Variants in ST6GALNAC3 observed in about 807,000 individuals in gnomAD.
ST6GALNAC3 encodes the protein ST6 N-acetylgalactosaminide alpha-2,6-sialyltransferase 3, also known as alpha-N-acetylgalactosaminide alpha-2,6-sialyltransferase 3.
In ST6GALNAC3, 25 loss-of-function variants were observed where a neutral mutation model predicts 32.7. The ratio of observed to expected loss-of-function variants is 0.76; its 90% CI spans 0.56 to 1.07. The LOEUF is 1.07. ST6GALNAC3 is among the 50% of genes least tolerant of loss of function. The pLI is 0.00. For synonymous variants in ST6GALNAC3, 129 were observed against 133.1 expected, an observed-to-expected ratio of 0.97 and a Z score of 0.21; for missense variants, 355 against 382.4, an observed-to-expected ratio of 0.93 and a Z score of 0.60.
chr1:76,286,985 T>C (rs1038729697), intron 1 of ST6GALNAC3, among the ~76,000 whole-genome samples: 1 of 152,204 alleles, frequency 6.6e-6, no homozygotes, highest in African/African-American at 2.4e-5. Flanking sequence ...CACCAAAAGG[T>C]GTATGTTCTT....
At chr1:76,288,975 C>T (rs1557756389) in intron 1 of ST6GALNAC3, among the ~76,000 whole-genome samples, 1 of 152,122 alleles carries the variant, frequency 6.6e-6, no homozygotes, top group African/African-American at 2.4e-5. Flanking sequence ...AACCACACTT[C>T]CCCCTCCAAA....
chr1:76,540,344 T>C (rs1663913732), intron 3 of ST6GALNAC3, among the ~76,000 whole-genome samples: 1 of 151,798 alleles, frequency 6.6e-6, no homozygotes, highest in South Asian at 2.1e-4. Context: ...CAACACACAC[T>C]AGGGCCTGTT....
At chr1:76,512,019 T>G (rs1042532472) in intron 3 of ST6GALNAC3, among the ~76,000 whole-genome samples, 6 of 152,174 alleles carry the variant, frequency 3.9e-5, no homozygotes, top group Non-Finnish European at 7.4e-5. Context: ...TGAGAAATAT[T>G]TATCTCTCCT....
chr1:76,204,707 A>G (rs892433736), intron 1 of ST6GALNAC3, among the ~76,000 whole-genome samples: 1 of 152,200 alleles, frequency 6.6e-6, no homozygotes, highest in African/African-American at 2.4e-5. Flanking sequence ...GGAATATTTG[A>G]TAGAAATATT....
At chr1:76,457,761 G>C (rs1314023652) in intron 3 of ST6GALNAC3, among the ~76,000 whole-genome samples, 1 of 152,002 alleles carries the variant, frequency 6.6e-6, no homozygotes. Context: ...TTAAACGTTA[G>C]ACCTAAAACC....
At chr1:76,614,116 A>G (rs1648119940) in intron 3 of ST6GALNAC3, among the ~76,000 whole-genome samples, 1 of 152,220 alleles carries the variant, frequency 6.6e-6, no homozygotes, top group African/African-American at 2.4e-5. Flanking sequence ...GGACAAATTG[A>G]GTGTCTACTA....
At chr1:76,204,109 C>CT (rs999797116) in intron 1 of ST6GALNAC3, among the ~76,000 whole-genome samples, 13 of 151,468 alleles carry the variant, frequency 8.6e-5, no homozygotes, top group Admixed American at 4.6e-4. Context: ...ATGAGATCCA[C>CT]TTTTTTTTTA....
intron 1 of ST6GALNAC3, among the ~76,000 whole-genome samples, chr1:76,246,635 CTG>C (rs1657277093): frequency 6.6e-6 from 1 of 152,090 alleles, no homozygotes; most frequent in African/African-American, 2.4e-5. Context: ...AGTTCTCATG[CTG>C]TGTTTTTCAG....
intron 3 of ST6GALNAC3, among the ~76,000 whole-genome samples, chr1:76,612,221 C>A (rs575086857): frequency 1.3e-5 from 2 of 152,266 alleles, no homozygotes; most frequent in African/African-American, 2.4e-5. Flanking sequence ...TCTCTGTTAT[C>A]GTGAGCCAGG....
At chr1:76,306,682 GGGGC>G (rs1242327680) in intron 1 of ST6GALNAC3, among the ~76,000 whole-genome samples, 3 of 43,332 alleles carry the variant, frequency 6.9e-5, no homozygotes, top group Admixed American at 1.9e-4. Context: ...TTTTTTTTGG[GGGGC>G]GGGGGGTGCA....
intron 3 of ST6GALNAC3, among the ~76,000 whole-genome samples, chr1:76,435,745 G>T (rs901950981): frequency 2.0e-5 from 3 of 152,070 alleles, no homozygotes; most frequent in Admixed American, 1.3e-4. Context: ...TAATAAATTT[G>T]ATGTGTTCAT....
At chr1:76,402,088 G>A (rs934378027) in intron 2 of ST6GALNAC3, among the ~76,000 whole-genome samples, 2 of 151,818 alleles carry the variant, frequency 1.3e-5, no homozygotes, top group African/African-American at 4.8e-5. Context: ...TCTGATATTT[G>A]AAAGTTAACA....
intron 3 of ST6GALNAC3, among the ~76,000 whole-genome samples, chr1:76,500,592 T>C (rs6700215): frequency 6.6e-6 from 1 of 152,082 alleles, no homozygotes; most frequent in Non-Finnish European, 1.5e-5. Flanking sequence ...AAATTTATTT[T>C]CCCCTTTTAA....
chr1:76,405,425 A>G (rs1653754026), intron 2 of ST6GALNAC3, among the ~76,000 whole-genome samples: 1 of 152,236 alleles, frequency 6.6e-6, no homozygotes, highest in African/African-American at 2.4e-5. Context: ...ATTAAAATGT[A>G]AAGTGCTTGG....
intron 3 of ST6GALNAC3, among the ~76,000 whole-genome samples, chr1:76,528,000 T>C (rs1472912606): frequency 2.0e-5 from 3 of 152,154 alleles, no homozygotes; most frequent in Admixed American, 6.6e-5. Flanking sequence ...ATATTTGACC[T>C]TTTGAGTGAC....
At chr1:76,619,819 A>T (rs899788408) in intron 3 of ST6GALNAC3, among the ~76,000 whole-genome samples, 1 of 152,060 alleles carries the variant, frequency 6.6e-6, no homozygotes, top group Admixed American at 6.6e-5. Context: ...ACACCTCAGT[A>T]CAACATCACA....
intron 3 of ST6GALNAC3, among the ~76,000 whole-genome samples, chr1:76,480,158 A>C (rs1043135240): frequency 3.9e-5 from 6 of 152,166 alleles, no homozygotes; most frequent in Admixed American, 1.3e-4. Flanking sequence ...AAGAACTTAA[A>C]GGATTTGCTT....
At chr1:76,539,176 C>G (rs999511642) in intron 3 of ST6GALNAC3, among the ~76,000 whole-genome samples, 1 of 152,018 alleles carries the variant, frequency 6.6e-6, no homozygotes, top group Non-Finnish European at 1.5e-5. Flanking sequence ...ACATATAGAC[C>G]AAGGGAACAG....
intron 3 of ST6GALNAC3, among the ~76,000 whole-genome samples, chr1:76,426,553 A>G (rs943800676): frequency 6.7e-6 from 1 of 149,936 alleles, no homozygotes; most frequent in South Asian, 2.1e-4. Context: ...AGATATATAT[A>G]TATATATCTG....
Sources: gnomAD v4.1 joint callset for allele counts (sites outside exome capture counted in the v4.1 genomes callset) on GRCh38, gnomAD v4.1.1 for gene constraint, MANE v1.5 for transcripts, NCBI Gene and HGNC (gene_info 2026-07-23, HGNC 2026-07-21) for gene names.